THNSL2: variants seen among roughly 807,000 people sequenced by gnomAD.
The protein encoded by THNSL2 is threonine synthase like 2, also known as threonine synthase-like 2.
A neutral mutation model predicts 40.0 loss-of-function variants in THNSL2; 34 were observed. The observed-to-expected ratio is 0.85, with a 90% CI of 0.65 to 1.13. THNSL2 has a LOEUF of 1.13. THNSL2 is among the 50% of genes most tolerant of loss of function. THNSL2 has a pLI of 0.00. For synonymous variants in THNSL2, 241 were observed against 247.5 expected, an observed-to-expected ratio of 0.97 and a Z score of 0.25; for missense variants, 537 against 608.8, an observed-to-expected ratio of 0.88 and a Z score of 1.24.
intron 4 of THNSL2, among the ~76,000 whole-genome samples, chr2:88,177,613 A>G (rs577223435): frequency 1.3e-5 from 2 of 152,288 alleles, no homozygotes; most frequent in East Asian, 1.9e-4. Context: ...AGTGACTCAC[A>G]ATGCTCTCAG....
chr2:88,184,573 T>C (rs889093185), intron 7 of THNSL2, among the ~76,000 whole-genome samples: 3 of 151,048 alleles, frequency 2.0e-5, no homozygotes, highest in African/African-American at 7.3e-5. Flanking sequence ...GAGACCAGCC[T>C]GGCCAACATG....
intron 7 of THNSL2, 77 bp downstream of exon 7, chr2:88,183,150 C>A: frequency 6.4e-7 from 1 of 1,557,596 alleles, no homozygotes; most frequent in South Asian, 1.2e-5. Context: ...GAAGTCTGGT[C>A]AAGGGAAGAG....
chr2:88,182,713 C>T lies in THNSL2; in HGVS notation c.817C>T (p.Gln273Ter). Residue 273 changes from glutamine to a stop codon, truncating the protein, a stop_gained, in exon 6 of 9, where the codon CAA (glutamine) becomes TAA (stop). Transcript: ENST00000674334. LOFTEE classifies it high-confidence loss of function. Reference sequence around the variant, plus strand: ...CTTGTCTTAAGCTGGGTACATTGCTCAAAAGATAGGCCTGCCCATCCGTCT... The same window carrying T: ...CTTGTCTTAAGCTGGGTACATTGCTTAAAAGATAGGCCTGCCCATCCGTCT... ...AGNLAAGYIA[Q>*]KIGLPIRLVV... 1 of 1,612,198 alleles carries T rather than the reference C, an allele frequency of 6.2e-7. No individual in the cohort carries two copies. Among genetic ancestry groups the T allele is most frequent in the South Asian group, 1.1e-5 (1 of 90,958 alleles).
At position 88,178,912 on chromosome 2, in the gene THNSL2, ATCACTTCTTTGC is replaced by A; in HGVS notation, c.703_714del (p.His235_Ala238del). 6.2e-7 allele frequency: 1 copy of A among 1,614,216 alleles called. No homozygotes were observed. Among genetic ancestry groups the A allele is most frequent in the Non-Finnish European group, 8.5e-7 (1 of 1,180,038 alleles). On this transcript the variant is annotated inframe_deletion, in exon 5 of 9. Coordinates refer to ENST00000674334, the MANE Select transcript of THNSL2 (RefSeq NM_018271.5). The stretch of plus-strand genomic sequence containing the variant: ...TCCCGGGTCCTGGTGCAGATGGCCC[ATCACTTCTTTGC>A]TTACTTCCAGTGTACGCCATCCTTG...
In THNSL2 at chr2:88,173,167, C is replaced by A; in HGVS notation, c.17C>A (p.Thr6Asn). Residue 6 changes from threonine (T) to asparagine (N), a missense_variant, in exon 2 of 9, where the codon ACC becomes AAC. Transcript: ENST00000674334. ...TCCAGGATCATGTGGTATGTCAGCA[C>A]CAGGGGCGTAGCCCCACGGGTCAAC... The part of the protein sequence containing the change: MWYVS[T>N]RGVAPRVNFE... The A allele has an allele frequency of 1.3e-6, 2 of 1,573,856 alleles. No homozygotes were observed. Among genetic ancestry groups the A allele is most frequent in the South Asian group, 1.2e-5 (1 of 85,624 alleles).
At chr2:88,173,025 G>T (rs1676519250) in intron 1 of THNSL2, 114 bp from the exon 2 acceptor site, 2 of 594,134 alleles carry the variant, frequency 3.4e-6, no homozygotes, top group African/African-American at 3.7e-5. Flanking sequence ...TGGGACATGT[G>T]CCCCGGAGAC....
intron 3 of THNSL2, 113 bp downstream of exon 3, chr2:88,174,946 A>G (rs1225858028): frequency 1.6e-6 from 2 of 1,284,240 alleles, no homozygotes; most frequent in East Asian, 2.4e-5. Flanking sequence ...GTTCTTCCAG[A>G]GCAAGGTTCC....
intron 4 of THNSL2, among the ~76,000 whole-genome samples, chr2:88,177,868 T>C (rs1677104743): frequency 6.6e-6 from 1 of 151,768 alleles, no homozygotes. Flanking sequence ...ACTGATTGGC[T>C]TGGTCCTGGC....
rs762847138 is a variant in THNSL2 at position 88,178,774 on chromosome 2, C to G, written c.572-9C>G. ...CCTGACAGCTGCCCTCTTCTCTCCC[C>G]CCTGGCAGTGGAGGGAAACAGCGAT... is the stretch of plus-strand genomic sequence containing the variant. On this transcript the variant is annotated splice_polypyrimidine_tract_variant and intron_variant, in intron 4 of 8. Coordinates refer to ENST00000674334, the MANE Select transcript of THNSL2 (RefSeq NM_018271.5). The G allele has an allele frequency of 1.5e-5, 25 of 1,613,918 alleles. No homozygotes were observed. The highest frequency in any genetic ancestry group is 3.3e-4 in the Middle Eastern group (2 of 6,078).
rs1219464486 is a variant in THNSL2 at position 88,173,277 on chromosome 2, C to T, written c.127C>T (p.Leu43=). ...EELPQLDRGT[L]CQWSTLSYPG... ...GCTCCCACAGTTGGACAGAGGGACC[C>T]TGTGCCAGTGGAGCACACTCTCCTA... is the stretch of plus-strand genomic sequence containing the variant. Residue 43 remains leucine (L), a synonymous_variant, in exon 2 of 9, where the codon CTG becomes TTG. Coordinates refer to ENST00000674334, the MANE Select transcript of THNSL2 (RefSeq NM_018271.5). The T allele has an allele frequency of 3.1e-6, 5 of 1,612,528 alleles. No individual in the cohort carries two copies. Among genetic ancestry groups the T allele is most frequent in the Non-Finnish European group, 4.2e-6 (5 of 1,179,952 alleles).
rs1677251196 is a variant in THNSL2 at position 88,179,021 on chromosome 2, A to G, written c.802+8A>G. The G allele has an allele frequency of 3.1e-6, 5 of 1,614,004 alleles. No homozygotes were observed. The highest frequency in any genetic ancestry group is 4.2e-6 in the Non-Finnish European group (5 of 1,179,912). Reference sequence around the variant, plus strand: ...CTGCCGGTAACCTTGCAGGTAAGGAATCCCCGGGGCACAAATGGGCTTTCC... The same window carrying G: ...CTGCCGGTAACCTTGCAGGTAAGGAGTCCCCGGGGCACAAATGGGCTTTCC... On this transcript the variant is annotated splice_region_variant and intron_variant, in intron 5 of 8. Transcript: ENST00000674334.
chr2:88,178,822 C>G lies in THNSL2; in HGVS notation c.611C>G (p.Thr204Ser). Residue 204 changes from threonine (T) to serine (S), a missense_variant, in exon 5 of 9, where the codon ACT (threonine) becomes AGT (serine). Physicochemically the swap from Thr to Ser is moderately conservative, Grantham distance 58 (BLOSUM62 1). Coordinates refer to ENST00000674334, the MANE Select transcript of THNSL2 (RefSeq NM_018271.5). Reference protein sequence around the residue: ...NSDELDEPIKTVFADVAFVKK... With the variant: ...NSDELDEPIKSVFADVAFVKK... ...GATGAGCTCGATGAGCCGATCAAGA[C>G]TGTGTTTGCCGATGTGGCTTTTGTC... 1 of 1,614,082 alleles carries G rather than the reference C, an allele frequency of 6.2e-7. No homozygotes were observed. The highest frequency in any genetic ancestry group is 8.5e-7 in the Non-Finnish European group (1 of 1,179,990).
rs1182999126 is a variant in THNSL2 at position 88,174,705 on chromosome 2, A to G, written c.290A>G (p.Asn97Ser). Residue 97 changes from asparagine (N) to serine (S), a missense_variant, in exon 3 of 9, where the codon AAT becomes AGT. Asn to Ser is a conservative substitution (Grantham distance 46). Coordinates refer to ENST00000674334, the MANE Select transcript of THNSL2 (RefSeq NM_018271.5). Reference protein sequence around the residue: ...REVVHLSRLRNGLNVLELWHG... With the variant: ...REVVHLSRLRSGLNVLELWHG... ...GTGGTCCATCTGTCCAGGTTGAGGA[A>G]TGGGCTGAACGTGTTGGAGCTGTGG... The G allele has an allele frequency of 6.2e-7, 1 of 1,614,050 alleles. No individual in the cohort carries two copies. Among genetic ancestry groups the G allele is most frequent in the Admixed American group, 1.7e-5 (1 of 59,998 alleles).
chr2:88,170,410 GGCCTCGC>G lies in THNSL2; in HGVS notation c.-55_-49del, dbSNP rs1223889857. The G allele has an allele frequency of 2.1e-4, 26 of 122,804 alleles. No individual in the cohort carries two copies. Among genetic ancestry groups the G allele is most frequent in the Non-Finnish European group, 3.5e-4 (20 of 56,838 alleles). The allele number at this position is 122,804 out of a possible 1,614,324, so 7.6% of individuals were successfully genotyped here. On this transcript the variant is annotated 5_prime_UTR_variant, in exon 1 of 9. Transcript: ENST00000674334. Reference sequence around the variant, plus strand: ...GCCCGGGCAGCCCTGCTGCGCACCGGGCCTCGCGCCCCGCGCCCCGCGCCCCGCGCCC... The same window carrying G: ...GCCCGGGCAGCCCTGCTGCGCACCGGGCCCCGCGCCCCGCGCCCCGCGCCC...
chr2:88,171,302 G>A (rs1676344160), intron 1 of THNSL2: 2 of 456,554 alleles, frequency 4.4e-6, no homozygotes, highest in South Asian at 3.1e-5. Flanking sequence ...TGCGTGAGGG[G>A]CATGGGTATG....
Position 88,186,012 on chromosome 2 carries a change from G to A in THNSL2, c.1344G>A (p.Glu448=). The A allele has an allele frequency of 6.2e-7, 1 of 1,610,618 alleles. No homozygotes were observed. The highest frequency in any genetic ancestry group is 8.5e-7 in the Non-Finnish European group (1 of 1,178,696). ...PAEIVALEHK[E]TRCTLMRRGD... ...AGATCGTAGCCCTGGAGCACAAGGA[G>A]ACACGCTGCACCCTGATGCGGAGAG... The change falls in exon 9 of 9, where the codon GAG becomes GAA. Residue 448 remains glutamate, a synonymous_variant. Coordinates refer to ENST00000674334, the MANE Select transcript of THNSL2 (RefSeq NM_018271.5).
At chr2:88,171,135 AC>A in intron 1 of THNSL2, 1 of 386,532 alleles carries the variant, frequency 2.6e-6, no homozygotes, top group Non-Finnish European at 5.3e-6. Context: ...CAACAACAGC[AC>A]TTGATTTTCT....
intron 2 of THNSL2, 34 bp downstream of exon 2, chr2:88,173,407 GC>G: frequency 1.3e-6 from 2 of 1,497,632 alleles, no homozygotes. Context: ...CACTCTTCCA[GC>G]CCCTGCCAGC....
intron 4 of THNSL2, among the ~76,000 whole-genome samples, chr2:88,177,379 T>C (rs1042214745): frequency 6.6e-6 from 1 of 152,232 alleles, no homozygotes; most frequent in Non-Finnish European, 1.5e-5. Flanking sequence ...TAGATTATTG[T>C]ATGTGGACAG....
Sources: gnomAD v4.1 joint callset for allele counts (sites outside exome capture counted in the v4.1 genomes callset) on GRCh38, gnomAD v4.1.1 for gene constraint, MANE v1.5 for transcripts, NCBI Gene and HGNC (gene_info 2026-07-23, HGNC 2026-07-21) for gene names.